OSBPL10: variants seen among roughly 807,000 people sequenced by gnomAD.
OSBPL10 encodes oxysterol-binding protein-related protein 10.
In OSBPL10, 49 loss-of-function variants were observed where a neutral mutation model predicts 81.7. The ratio of observed to expected loss-of-function variants is 0.60; its 90% CI spans 0.48 to 0.76. The LOEUF is 0.76. Among genes scored for constraint, OSBPL10 ranks in the 30% least tolerant of loss-of-function variants. OSBPL10 has a pLI of 0.00. For synonymous variants in OSBPL10, 419 were observed against 383.6 expected (o/e 1.09, Z -1.08); for missense variants, 923 against 987.8 (o/e 0.93, Z 0.88).
At chr3:31,944,844 A>ATT (rs1697649882) in intron 1 of OSBPL10, among the ~76,000 whole-genome samples, 1 of 69,102 alleles carries the variant, frequency 1.4e-5, no homozygotes, top group African/African-American at 1.5e-4. Flanking sequence ...AAAAAAAAAA[A>ATT]AAAAAAAAAA....
At chr3:31,747,768 C>A (rs144034101) in intron 5 of OSBPL10, 142 bp downstream of exon 5, 4 of 833,886 alleles carry the variant, frequency 4.8e-6, no homozygotes, top group Non-Finnish European at 7.8e-6. Flanking sequence ...ACAGTAGAGA[C>A]GAAGGGCAGT....
chr3:31,774,162 C>CAAAAAA (rs550791243), intron 4 of OSBPL10, among the ~76,000 whole-genome samples: 1 of 81,468 alleles, frequency 1.2e-5, no homozygotes, highest in African/African-American at 3.7e-5. Context: ...AACTCCATCT[C>CAAAAAA]AAAAAAAAAA....
At chr3:31,838,380 G>A (rs1388399320) in intron 3 of OSBPL10, among the ~76,000 whole-genome samples, 6 of 151,880 alleles carry the variant, frequency 4.0e-5, no homozygotes, top group Non-Finnish European at 7.4e-5. Context: ...GCGTGGTGGC[G>A]GCAGCCTGTA....
intron 7 of OSBPL10, among the ~76,000 whole-genome samples, chr3:31,693,808 C>T (rs1461435238): frequency 6.6e-6 from 1 of 152,132 alleles, no homozygotes; most frequent in Non-Finnish European, 1.5e-5. Flanking sequence ...TGCTCTGTTG[C>T]CCAGACTGGA....
chr3:32,036,842 G>C (rs1316792563), intron 2 of OSBPL10, among the ~76,000 whole-genome samples: 1 of 149,914 alleles, frequency 6.7e-6, no homozygotes, highest in Non-Finnish European at 1.5e-5. Flanking sequence ...AAAAGAAAAA[G>C]AAAAAAACCC....
chr3:31,748,123 A>G lies in OSBPL10; in HGVS notation c.730-3T>C. The G allele has an allele frequency of 1.2e-6, 2 of 1,609,504 alleles. No homozygotes were observed. The highest frequency in any genetic ancestry group is 1.7e-6 in the Non-Finnish European group (2 of 1,177,688). On this transcript the variant is annotated splice_polypyrimidine_tract_variant and splice_region_variant and intron_variant, in intron 4 of 11. Transcript: ENST00000396556. ...TGCCCTTCCACCTGGTTCATCATCT[A>G]CAAAACAAGAAGACAGTAAGGAGGT...
chr3:31,996,848 G>A (rs764732769), intron 2 of OSBPL10, among the ~76,000 whole-genome samples: 42 of 152,270 alleles, frequency 2.8e-4, no homozygotes, highest in Non-Finnish European at 4.3e-4. Flanking sequence ...GGACAGGTAG[G>A]AAGTTCAGTT....
At chr3:31,826,128 G>A (rs1700096176) in intron 4 of OSBPL10, among the ~76,000 whole-genome samples, 1 of 152,132 alleles carries the variant, frequency 6.6e-6, no homozygotes, top group Non-Finnish European at 1.5e-5. Flanking sequence ...TGTTTCCTCA[G>A]GTATGATTCC....
intron 1 of OSBPL10, among the ~76,000 whole-genome samples, chr3:31,913,058 A>G (rs1484577135): frequency 1.3e-5 from 2 of 152,318 alleles, no homozygotes; most frequent in Admixed American, 6.5e-5. Context: ...GAACTGATTT[A>G]TAATACAATC....
At chr3:32,021,267 CA>C (rs1215976662) in intron 2 of OSBPL10, among the ~76,000 whole-genome samples, 1 of 152,144 alleles carries the variant, frequency 6.6e-6, no homozygotes, top group Non-Finnish European at 1.5e-5. Context: ...CTTACAAATA[CA>C]AAAGTGTGGG....
At chr3:31,979,725 A>C (rs1575074722) in intron 1 of OSBPL10, among the ~76,000 whole-genome samples, 1 of 151,950 alleles carries the variant, frequency 6.6e-6, no homozygotes, top group East Asian at 1.9e-4. Flanking sequence ...AAAAAAACAA[A>C]AACAAAAAGT....
chr3:32,036,021 C>T (rs1296291261), intron 2 of OSBPL10, among the ~76,000 whole-genome samples: 1 of 152,154 alleles, frequency 6.6e-6, no homozygotes, highest in Non-Finnish European at 1.5e-5. Flanking sequence ...AACTACTCTG[C>T]ATACTTCATT....
In OSBPL10 at chr3:31,928,948, A is replaced by T. The variant is rs555721854; in HGVS notation, c.282-49118T>A. Among the ~76,000 whole-genome samples, 275 of 152,304 alleles carry T rather than the reference A, an allele frequency of 1.8e-3. 1 individual carries two copies. Among genetic ancestry groups the T allele is most frequent in the African/African-American group, 6.4e-3 (265 of 41,568 alleles). Reference sequence around the variant, plus strand: ...TATTAAATATTGATAGCATTTGATAAAAGAGCTGACTTGCACAATAGCATC... The same window carrying T: ...TATTAAATATTGATAGCATTTGATATAAGAGCTGACTTGCACAATAGCATC... On this transcript the variant is annotated intron_variant, in intron 1 of 11. Coordinates refer to ENST00000396556, the MANE Select transcript of OSBPL10 (RefSeq NM_017784.5).
intron 3 of OSBPL10, among the ~76,000 whole-genome samples, chr3:31,865,397 T>C (rs891717844): frequency 2.0e-5 from 3 of 152,238 alleles, no homozygotes; most frequent in Admixed American, 1.3e-4. Context: ...GTCTCCATAT[T>C]GCACAGCATA....
chr3:31,864,225 G>A (rs1393230397), intron 3 of OSBPL10, among the ~76,000 whole-genome samples: 1 of 152,098 alleles, frequency 6.6e-6, no homozygotes, highest in Non-Finnish European at 1.5e-5. Flanking sequence ...AGAAGTATAA[G>A]GGGCTTTCTC....
At chr3:31,847,211 T>TTAAA (rs1553633052) in intron 3 of OSBPL10, among the ~76,000 whole-genome samples, 1 of 148,660 alleles carries the variant, frequency 6.7e-6, no homozygotes, top group African/African-American at 2.5e-5. Context: ...TTTTTTTTTT[T>TTAAA]AAAAAGACAG....
At chr3:31,711,699 G>A (rs891178928) in intron 6 of OSBPL10, among the ~76,000 whole-genome samples, 3 of 152,196 alleles carry the variant, frequency 2.0e-5, no homozygotes, top group African/African-American at 7.2e-5. Context: ...TGCGAGGATG[G>A]GTGGAATGGG....
intron 4 of OSBPL10, among the ~76,000 whole-genome samples, chr3:31,753,006 A>G (rs2125706953): frequency 6.6e-6 from 1 of 152,086 alleles, no homozygotes; most frequent in Middle Eastern, 3.4e-3. Context: ...TTGGAAGGAG[A>G]CCATACAATT....
chr3:31,829,072 C>T (rs1700167629), intron 4 of OSBPL10, among the ~76,000 whole-genome samples: 1 of 152,204 alleles, frequency 6.6e-6, no homozygotes, highest in Admixed American at 6.5e-5. Context: ...AGAGCACTAC[C>T]TGGCTTGTGA....
Sources: allele counts gnomAD v4.1 joint callset (sites outside exome capture counted in the v4.1 genomes callset), GRCh38; gene constraint gnomAD v4.1.1; transcripts MANE v1.5; gene names NCBI Gene and HGNC (gene_info 2026-07-23, HGNC 2026-07-21).